Variants in VAV1 observed in about 807,000 individuals in gnomAD.
VAV1 encodes the protein proto-oncogene vav.
Under a neutral mutation model 128.1 loss-of-function variants are expected in VAV1, and 33 were observed. The observed-to-expected ratio is 0.26, with a 90% CI of 0.20 to 0.34. VAV1 has a LOEUF of 0.34. VAV1 is among the 10% of genes least tolerant of loss of function. The probability of loss-of-function intolerance (pLI) is 1.00; values close to 1 mark genes in which losing one functional copy is unlikely to be tolerated. For synonymous variants in VAV1, 394 were observed against 409.8 expected, an observed-to-expected ratio of 0.96 and a Z score of 0.47; for missense variants, 715 against 1,093.7, an observed-to-expected ratio of 0.65 and a Z score of 4.88.
At position 6,848,127 on chromosome 19, in the gene VAV1, T is replaced by C; in HGVS notation, c.2129+13T>C. 6.5e-7 allele frequency: 1 copy of C among 1,540,178 alleles called. No individual in the cohort carries two copies. The highest frequency in any genetic ancestry group is 8.7e-7 in the Non-Finnish European group (1 of 1,151,766). On this transcript the variant is annotated intron_variant, in intron 23 of 26. Coordinates refer to ENST00000602142, the MANE Select transcript of VAV1 (RefSeq NM_005428.4). The stretch of plus-strand genomic sequence containing the variant: ...CCATCAGCATTAAGTAACTCCTTTC[T>C]CCCTGACTCATACCCTTTTGGGGCC...
intron 26 of VAV1, among the ~76,000 whole-genome samples, chr19:6,855,099 A>AGAGC (rs1972759551): frequency 6.6e-6 from 1 of 152,236 alleles, no homozygotes; most frequent in African/African-American, 2.4e-5. Context: ...CCATGAAGGC[A>AGAGC]GAGCACCTTC....
At chr19:6,803,264 T>G (rs1330289011) in intron 1 of VAV1, among the ~76,000 whole-genome samples, 1 of 152,244 alleles carries the variant, frequency 6.6e-6, no homozygotes, top group Non-Finnish European at 1.5e-5. Context: ...GTCATCTTTG[T>G]ACCCACTTTA....
At chr19:6,791,192 T>A (rs1459491231) in intron 1 of VAV1, among the ~76,000 whole-genome samples, 1 of 152,226 alleles carries the variant, frequency 6.6e-6, no homozygotes, top group African/African-American at 2.4e-5. Flanking sequence ...TACCTCCTCA[T>A]CTTGAAGTCC....
intron 6 of VAV1, among the ~76,000 whole-genome samples, chr19:6,824,452 G>A (rs1971866854): frequency 6.6e-6 from 1 of 152,094 alleles, no homozygotes; most frequent in Non-Finnish European, 1.5e-5. Context: ...GTGTTTTCAA[G>A]GTTCATCCAC....
rs1971586781 is a variant in VAV1, at chr19:6,814,667, C to CCTTCCTTCCTTCCTTCCTTTCTTT, written c.205-6028_205-6027insCCTTCCTTCCTTTCTTTCTTCCTT. ...TCCTTCCTTCCTTCCTTCCTTCCTT[C>CCTTCCTTCCTTCCTTCCTTTCTTT]CTTCCTTTCTTTCTTTCTTTCTTTC... On this transcript the variant is annotated intron_variant, in intron 1 of 26. Coordinates refer to ENST00000602142, the MANE Select transcript of VAV1 (RefSeq NM_005428.4). Among the ~76,000 whole-genome samples the CCTTCCTTCCTTCCTTCCTTTCTTT allele has an allele frequency of 2.9e-3, 74 of 25,110 alleles. 2 individuals are homozygous for CCTTCCTTCCTTCCTTCCTTTCTTT. Among genetic ancestry groups the CCTTCCTTCCTTCCTTCCTTTCTTT allele is most frequent in the African/African-American group, 0.011 (49 of 4,308 alleles). The allele number at this position is 25,110 out of a possible 152,430, so 16.5% of individuals were successfully genotyped here.
At chr19:6,847,870 T>G in intron 22 of VAV1, 128 bp from the exon 23 acceptor site, 1 of 790,698 alleles carries the variant, frequency 1.3e-6, no homozygotes, top group South Asian at 2.6e-5. Flanking sequence ...GCTGAAGGGC[T>G]GTTAGAGCCA....
At chr19:6,832,927 C>T (rs1972120562) in intron 15 of VAV1, among the ~76,000 whole-genome samples, 1 of 152,148 alleles carries the variant, frequency 6.6e-6, no homozygotes, top group Admixed American at 6.6e-5. Context: ...CAAAGGAGAC[C>T]TCATACCCAT....
chr19:6,834,532 T>A (rs1447064502), intron 19 of VAV1, among the ~76,000 whole-genome samples: 2 of 150,430 alleles, frequency 1.3e-5, no homozygotes, highest in African/African-American at 4.9e-5. Flanking sequence ...CGTGAGCCAC[T>A]GTGCCCAGCC....
intron 26 of VAV1, among the ~76,000 whole-genome samples, chr19:6,855,245 A>C (rs1205492009): frequency 6.6e-6 from 1 of 152,246 alleles, no homozygotes; most frequent in African/African-American, 2.4e-5. Flanking sequence ...TACACAAAAA[A>C]TGATGTGGAT....
chr19:6,836,577 T>C lies in VAV1; in HGVS notation c.1914+9T>C. 1 of 1,613,792 alleles carries C rather than the reference T, an allele frequency of 6.2e-7. No individual in the cohort carries two copies. Among genetic ancestry groups the C allele is most frequent in the Non-Finnish European group, 8.5e-7 (1 of 1,179,848 alleles). On this transcript the variant is annotated intron_variant, in intron 20 of 26. Transcript: ENST00000602142. ...AACAGAACTGGTGGGAGGTACAGGCTGGGGCCACAAGAGTGATGGGGTGGG... is the reference window on the plus strand; with the variant it reads ...AACAGAACTGGTGGGAGGTACAGGCCGGGGCCACAAGAGTGATGGGGTGGG...
At chr19:6,809,077 CTTT>C (rs34550612) in intron 1 of VAV1, among the ~76,000 whole-genome samples, 6,374 of 145,586 alleles carry the variant, frequency 0.044, 510 homozygotes, top group African/African-American at 0.15. Flanking sequence ...ATCTACCTCT[CTTT>C]TTTTTTTTTT....
chr19:6,826,514 C>A lies in VAV1; in HGVS notation c.828-98C>A. On this transcript the variant is annotated intron_variant, in intron 8 of 26. Transcript: ENST00000602142. This position sits in a 1 kb window ranked among gnomAD's most constrained non-coding sequence, Gnocchi z 4.1. ...GATGGAGAAACTGGGACTCAGGTTT[C>A]TTCTCCAGCGGGGAAGAGCAAGGCC... 1.2e-6 allele frequency: 1 copy of A among 851,972 alleles called. No individual in the cohort carries two copies. 52.8% of individuals were successfully genotyped at this position (851,972 alleles called of 1,614,324 possible).
At position 6,775,910 on chromosome 19, in the gene VAV1, C is replaced by G. The variant is rs560200064; in HGVS notation, c.204+2899C>G. ...GTGCAGGCTGGAATGAGAATTCTTCCCAGTTTCTGTCATTTCTCTTCGGAG... is the reference window on the plus strand; with the variant it reads ...GTGCAGGCTGGAATGAGAATTCTTCGCAGTTTCTGTCATTTCTCTTCGGAG... On this transcript the variant is annotated intron_variant, in intron 1 of 26. Coordinates refer to ENST00000602142, the MANE Select transcript of VAV1 (RefSeq NM_005428.4). Among the ~76,000 whole-genome samples, 3 of 152,174 alleles carry G rather than the reference C, an allele frequency of 2.0e-5. No individual in the cohort carries two copies. The East Asian group carries it at 5.8e-4, about 29-fold the overall frequency.
intron 18 of VAV1, 44 bp downstream of exon 18, chr19:6,833,777 G>A (rs756471564): frequency 6.2e-7 from 1 of 1,613,996 alleles, no homozygotes; most frequent in South Asian, 1.1e-5. Flanking sequence ...CAAATAATGG[G>A]CAACAGCGCG....
At chr19:6,825,854 G>A (rs1373646185) in intron 8 of VAV1, among the ~76,000 whole-genome samples, 5 of 151,996 alleles carry the variant, frequency 3.3e-5, no homozygotes, top group Non-Finnish European at 7.4e-5. Context: ...GTGAAACCCC[G>A]TCTCCATCGC....
At chr19:6,825,167 T>C (rs1599658533) in intron 7 of VAV1, 46 bp downstream of exon 7, 1 of 1,595,820 alleles carries the variant, frequency 6.3e-7, no homozygotes, top group Non-Finnish European at 8.6e-7. Context: ...CTAGTGCGGA[T>C]AACCTGCTGC....
chr19:6,800,428 G>A (rs1307737902), intron 1 of VAV1, among the ~76,000 whole-genome samples: 1 of 150,912 alleles, frequency 6.6e-6, no homozygotes, highest in African/African-American at 2.4e-5. Context: ...TCCTTCCTCT[G>A]CTTTCCAAGT....
At position 6,828,819 on chromosome 19, in the gene VAV1, A is replaced by G. The variant is rs1599662242; in HGVS notation, c.1184A>G (p.Gln395Arg). 1.2e-6 allele frequency: 2 copies of G among 1,614,164 alleles called. No homozygotes were observed. The highest frequency in any genetic ancestry group is 2.2e-5 in the East Asian group (1 of 44,876). The change falls in exon 13 of 27, where the codon CAG becomes CGG. Residue 395 changes from glutamine to arginine, a missense_variant. Around this residue, in one of 3 missense-constraint regions of VAV1, gnomAD observed 407 missense variants for 580.6 expected, o/e 0.70. Transcript: ENST00000602142. The surrounding 1 kb of genome is among the most constrained non-coding windows in gnomAD (Gnocchi z 4.5). ...GACCCCCTGCCTACTGCATAGGACC[A>G]GTCTCTGGCTCACTATGGCCGGCCC... ...NFQLSIENLDQSLAHYGRPKI... is the reference protein window; with the variant it reads ...NFQLSIENLDRSLAHYGRPKI...
In VAV1 at chr19:6,837,001, C is replaced by T. The variant is rs758131236; in HGVS notation, c.1931C>T (p.Thr644Ile). The change falls in exon 21 of 27, where the codon ACT (threonine) becomes ATT (isoleucine). Residue 644 changes from threonine (T) to isoleucine (I), a missense_variant. By Grantham distance (89) the Thr-to-Ile change is moderately conservative. Coordinates refer to ENST00000602142, the MANE Select transcript of VAV1 (RefSeq NM_005428.4). ...GGTGTTTAGGGCAGAAATACATCTA[C>T]TAATGAAATTGGCTGGTTTCCTTGT... The part of the protein sequence containing the change: ...QNWWEGRNTS[T>I]NEIGWFPCNR... The T allele has an allele frequency of 5.0e-6, 8 of 1,614,014 alleles. No homozygotes were observed. The highest frequency in any genetic ancestry group is 1.1e-5 in the South Asian group (1 of 91,076).
Sources: allele counts gnomAD v4.1 joint callset (sites outside exome capture counted in the v4.1 genomes callset), GRCh38; gene constraint gnomAD v4.1.1; regional missense constraint gnomAD v4.1.1; non-coding constraint Gnocchi (gnomAD v3.1); transcripts MANE v1.5; gene names NCBI Gene and HGNC (gene_info 2026-07-23, HGNC 2026-07-21).